Variants in ADGRE1 observed in about 807,000 individuals in gnomAD.
ADGRE1 encodes the protein EGF-like module receptor 1.
Under a neutral mutation model 102.7 loss-of-function variants are expected in ADGRE1, and 82 were observed. The observed-to-expected ratio is 0.80, with a 90% CI of 0.67 to 0.96. The LOEUF (loss-of-function observed/expected upper bound fraction) is 0.96, where lower values mean the gene tolerates loss of function less well. Ranked by LOEUF, ADGRE1 falls within the 40% of genes least tolerant of loss-of-function variation. ADGRE1 has a pLI of 0.00. For missense variants in ADGRE1, 1,032 were observed against 1,085.3 expected (o/e 0.95, Z 0.69); for synonymous variants, 398 against 399.6 (o/e 1.00, Z 0.05).
At chr19:6,939,451 G>A (rs146864552) in intron 20 of ADGRE1, among the ~76,000 whole-genome samples, 62 of 152,230 alleles carry the variant, frequency 4.1e-4, no homozygotes, top group African/African-American at 8.4e-4. Context: ...TAGGTGTTGC[G>A]AATATTGCTG....
In ADGRE1 at chr19:6,921,608, C is replaced by A. The variant is rs528729999; in HGVS notation, c.1621-105C>A. The A allele has an allele frequency of 3.8e-5, 49 of 1,295,022 alleles. No homozygotes were observed. The East Asian group carries it at 1.1e-3, about 30-fold the overall frequency. The allele number at this position is 1,295,022 out of a possible 1,614,324, so 80.2% of individuals were successfully genotyped here. A position where few individuals can be genotyped will look rare whatever the true frequency, so the allele number is the denominator to read the frequency against. Reference sequence around the variant, plus strand: ...TTTTCCCCATTCCCTCAGAACATACCCTGTGTATTCTTGTTCCCAGTGACT... The same window carrying A: ...TTTTCCCCATTCCCTCAGAACATACACTGTGTATTCTTGTTCCCAGTGACT... On this transcript the variant is annotated intron_variant, in intron 13 of 20. Transcript: ENST00000312053.
chr19:6,928,396 C>T (rs1027106142), intron 17 of ADGRE1, 185 bp downstream of exon 17: 59 of 1,400,996 alleles, frequency 4.2e-5, no homozygotes, highest in Non-Finnish European at 5.1e-5. Context: ...GAGGCTGAGG[C>T]GGGTGGATCA....
In ADGRE1 at chr19:6,911,385, G is replaced by GTTTTT. The variant is rs772959056; in HGVS notation, c.1123-2252_1123-2248dup. Among the ~76,000 whole-genome samples, 242 of 79,782 alleles carry GTTTTT rather than the reference G, an allele frequency of 3.0e-3. 15 individuals are homozygous for GTTTTT. The Middle Eastern group carries it at 0.043, about 14-fold the overall frequency. 52.3% of individuals were successfully genotyped at this position (79,782 alleles called of 152,430 possible). ...TTTATTAGGTTCTGGATTCCTTTTAGTTTTTTTTTTTTTTTTTTTTGCTTG... is the reference window on the plus strand; with the variant it reads ...TTTATTAGGTTCTGGATTCCTTTTAGTTTTTTTTTTTTTTTTTTTTTTTTTGCTTG... On this transcript the variant is annotated intron_variant, in intron 10 of 20. Coordinates refer to ENST00000312053, the MANE Select transcript of ADGRE1 (RefSeq NM_001974.5).
chr19:6,939,496 G>A (rs1016132463), intron 20 of ADGRE1, among the ~76,000 whole-genome samples: 6 of 152,120 alleles, frequency 3.9e-5, no homozygotes, highest in African/African-American at 1.4e-4. Flanking sequence ...GTGTTGTAAA[G>A]GCTCTAAACT....
intron 10 of ADGRE1, among the ~76,000 whole-genome samples, chr19:6,913,224 G>A (rs988249509): frequency 2.0e-5 from 3 of 152,058 alleles, no homozygotes; most frequent in African/African-American, 7.2e-5. Context: ...TGTCGCCCAG[G>A]CTGGAGTGCA....
intron 20 of ADGRE1, among the ~76,000 whole-genome samples, chr19:6,939,245 T>TAGA (rs1975569939): frequency 6.6e-6 from 1 of 152,192 alleles, no homozygotes. Flanking sequence ...TAATGCAGTT[T>TAGA]ACTATAGTTT....
At chr19:6,908,288 G>A (rs993951423) in intron 9 of ADGRE1, among the ~76,000 whole-genome samples, 1 of 152,150 alleles carries the variant, frequency 6.6e-6, no homozygotes, top group Non-Finnish European at 1.5e-5. Context: ...TCACTGGCTT[G>A]CTGTTAATAA....
intron 5 of ADGRE1, among the ~76,000 whole-genome samples, chr19:6,899,493 A>T (rs947668137): frequency 6.6e-6 from 1 of 152,056 alleles, no homozygotes; most frequent in Admixed American, 6.5e-5. Context: ...AGCCTGGCGA[A>T]CATGGTGAAA....
chr19:6,908,210 C>T (rs542026801), intron 9 of ADGRE1, among the ~76,000 whole-genome samples: 31 of 152,212 alleles, frequency 2.0e-4, no homozygotes, highest in African/African-American at 6.3e-4. Context: ...CCCTTTATTT[C>T]GGCCCATCCC....
At position 6,906,448 on chromosome 19, in the gene ADGRE1, G is replaced by A; in HGVS notation, c.965G>A (p.Cys322Tyr). Reference sequence around the variant, plus strand: ...TTCTTCCTAGGGGTTCTCTTCAAATGTAAGGAAGATGTGATACCCGATAAT... The same window carrying A: ...TTCTTCCTAGGGGTTCTCTTCAAATATAAGGAAGATGTGATACCCGATAAT... The part of the protein sequence containing the change: ...NFSCQRVLFK[C>Y]KEDVIPDNKQ... The change falls in exon 9 of 21, where the codon TGT becomes TAT. Residue 322 changes from cysteine to tyrosine, a missense_variant. Cys to Tyr is a radical substitution (Grantham distance 194). Transcript: ENST00000312053. 6.2e-7 allele frequency: 1 copy of A among 1,613,586 alleles called. No homozygotes were observed. Among genetic ancestry groups the A allele is most frequent in the Non-Finnish European group, 8.5e-7 (1 of 1,179,584 alleles).
intron 17 of ADGRE1, among the ~76,000 whole-genome samples, chr19:6,931,073 ACCCAC>A (rs1975124813): frequency 6.8e-6 from 1 of 146,666 alleles, no homozygotes; most frequent in Non-Finnish European, 1.5e-5. Flanking sequence ...CCTGTTCCCC[ACCCAC>A]CCCTTCACTA....
At position 6,909,179 on chromosome 19, in the gene ADGRE1, G is replaced by A. The variant is rs567734826; in HGVS notation, c.1122+407G>A. ...AAGAAATATCTCTTTATAATGAATGGATTGTGAATTAATATTTAATTTTTT... is the reference window on the plus strand; with the variant it reads ...AAGAAATATCTCTTTATAATGAATGAATTGTGAATTAATATTTAATTTTTT... On this transcript the variant is annotated intron_variant, in intron 10 of 20. Transcript: ENST00000312053. 1.2e-3 allele frequency among the ~76,000 whole-genome samples: 176 copies of A among 151,886 alleles called. 5 individuals are homozygous for A. The South Asian group carries it at 0.023, about 20-fold the overall frequency.
rs565672053 is a variant in ADGRE1, at chr19:6,920,421, A to G, written c.1620+674A>G. Among the ~76,000 whole-genome samples the G allele has an allele frequency of 4.0e-5, 6 of 148,292 alleles. No individual in the cohort carries two copies. The South Asian group carries it at 6.5e-4, about 16-fold the overall frequency. On this transcript the variant is annotated intron_variant, in intron 13 of 20. Transcript: ENST00000312053. ...TTTTTAGTGCAGACGGGGTTTCACC[A>G]TGTTAGCCAGGATGGTCTTGATCTC...
intron 10 of ADGRE1, among the ~76,000 whole-genome samples, chr19:6,909,509 T>C (rs1974093675): frequency 6.6e-6 from 1 of 152,180 alleles, no homozygotes; most frequent in South Asian, 2.1e-4. Flanking sequence ...CTCAGCATAG[T>C]GCATTTGAGA....
At chr19:6,924,020 A>C (rs1454370329) in intron 14 of ADGRE1, among the ~76,000 whole-genome samples, 1 of 151,618 alleles carries the variant, frequency 6.6e-6, no homozygotes, top group Non-Finnish European at 1.5e-5. Context: ...CCTGAAGTTG[A>C]AGCATTCCTG....
chr19:6,891,872 G>A (rs747697771), intron 2 of ADGRE1, among the ~76,000 whole-genome samples: 24 of 152,278 alleles, frequency 1.6e-4, no homozygotes, highest in Non-Finnish European at 2.8e-4. Flanking sequence ...GGGGCAGGGT[G>A]GGATAGGGCA....
chr19:6,924,774 A>T lies in ADGRE1; in HGVS notation c.1888A>T (p.Ile630Phe), dbSNP rs752589725. 6.2e-7 allele frequency: 1 copy of T among 1,613,974 alleles called. No homozygotes were observed. Among genetic ancestry groups the T allele is most frequent in the South Asian group, 1.1e-5 (1 of 91,050 alleles). ...CGCCACCTTTCTGCTGTGTCGCTCC[A>T]TCCGAAATCACAACACCTACCTCCA... is the stretch of plus-strand genomic sequence containing the variant. ...AIATFLLCRS[I>F]RNHNTYLHLH... is the part of the protein sequence containing the mutation. The change falls in exon 15 of 21, where the codon ATC becomes TTC. Residue 630 changes from isoleucine to phenylalanine, a missense_variant. By Grantham distance (21) the Ile-to-Phe change is conservative. Transcript: ENST00000312053.
At position 6,921,822 on chromosome 19, in the gene ADGRE1, C is replaced by G. The variant is rs1239881305; in HGVS notation, c.1730C>G (p.Thr577Ser). The G allele has an allele frequency of 6.2e-7, 1 of 1,614,130 alleles. No individual in the cohort carries two copies. The highest frequency in any genetic ancestry group is 2.2e-5 in the East Asian group (1 of 44,878). The change falls in exon 14 of 21, where the codon ACC becomes AGC. Residue 577 changes from threonine to serine, a missense_variant. Transcript: ENST00000312053. Reference sequence around the variant, plus strand: ...ATCCTGGAAGCTTCTGAGACATATACCATCTGCAGCTGTAATCAGATGGCA... The same window carrying G: ...ATCCTGGAAGCTTCTGAGACATATAGCATCTGCAGCTGTAATCAGATGGCA... ...CVILEASETY[T>S]ICSCNQMANL...
At chr19:6,895,130 A>G (rs1369259358) in intron 2 of ADGRE1, 2 of 152,202 alleles carry the variant, frequency 1.3e-5, no homozygotes, top group African/African-American at 4.8e-5. Flanking sequence ...TGCCTCTCCA[A>G]TCTTAGGCGT....
Sources: gnomAD v4.1 joint callset for allele counts (sites outside exome capture counted in the v4.1 genomes callset) on GRCh38, gnomAD v4.1.1 for gene constraint, MANE v1.5 for transcripts, NCBI Gene and HGNC (gene_info 2026-07-23, HGNC 2026-07-21) for gene names.